The following ZPBP variants were observed in gnomAD, a reference collection of about 807,000 sequenced individuals.
ZPBP encodes the protein zona pellucida binding protein, also known as zona pellucida-binding protein 1.
A neutral mutation model predicts 44.8 loss-of-function variants in ZPBP; 26 were observed. The observed-to-expected ratio is 0.58, with a 90% CI of 0.43 to 0.81. The LOEUF (loss-of-function observed/expected upper bound fraction) is 0.81, where lower values mean the gene tolerates loss of function less well. ZPBP is among the 30% of genes least tolerant of loss of function. The pLI, the probability that ZPBP is intolerant of heterozygous loss-of-function variation, is 0.00. For synonymous variants in ZPBP, 174 were observed against 153.2 expected (o/e 1.14, Z -1.00); for missense variants, 409 against 434.0 (o/e 0.94, Z 0.51).
intron 7 of ZPBP, among the ~76,000 whole-genome samples, chr7:49,982,368 AATAC>A (rs1797063884): frequency 7.6e-6 from 1 of 132,380 alleles, no homozygotes; most frequent in East Asian, 2.0e-4. Flanking sequence ...TATAATATAT[AATAC>A]ATAATATATA....
chr7:50,012,696 T>C (rs1798641847), intron 6 of ZPBP, among the ~76,000 whole-genome samples: 1 of 149,152 alleles, frequency 6.7e-6, no homozygotes, highest in African/African-American at 2.5e-5. Flanking sequence ...GTTTGCATCA[T>C]ACTAGATGGT....
At chr7:49,885,771 T>G (rs977697051) in intron 2 of ZPBP, among the ~76,000 whole-genome samples, 1 of 152,172 alleles carries the variant, frequency 6.6e-6, no homozygotes. Flanking sequence ...GATTTATGAG[T>G]GCAGGTGCTT....
intron 7 of ZPBP, chr7:49,943,098 A>T: frequency 5.7e-6 from 2 of 353,194 alleles, no homozygotes; most frequent in South Asian, 2.6e-5. Context: ...GTCATTGAGG[A>T]CTATCCACCC....
intron 1 of ZPBP, chr7:49,920,883 A>AAT (rs2128747022): frequency 6.6e-6 from 1 of 152,318 alleles, no homozygotes; most frequent in African/African-American, 2.4e-5. Context: ...CTTCATTTCT[A>AAT]ATAGACTGTT....
At chr7:49,961,446 G>A (rs891915669) in intron 7 of ZPBP, among the ~76,000 whole-genome samples, 3 of 152,086 alleles carry the variant, frequency 2.0e-5, no homozygotes, top group Non-Finnish European at 2.9e-5. Context: ...CAAAGCCTAG[G>A]AGTAGGTGTT....
chr7:50,081,571 T>C (rs1208424311), intron 3 of ZPBP, among the ~76,000 whole-genome samples: 1 of 150,446 alleles, frequency 6.6e-6, no homozygotes, highest in Non-Finnish European at 1.5e-5. Context: ...AAACAGTTCA[T>C]TCTTAGAGTA....
At chr7:50,075,173 G>T (rs1022263484) in intron 3 of ZPBP, among the ~76,000 whole-genome samples, 9 of 151,816 alleles carry the variant, frequency 5.9e-5, no homozygotes, top group Non-Finnish European at 8.9e-5. Flanking sequence ...TGAATGACCA[G>T]TGGGTTGTTA....
At chr7:50,057,278 T>C (rs1321501359) in intron 4 of ZPBP, among the ~76,000 whole-genome samples, 1 of 151,362 alleles carries the variant, frequency 6.6e-6, no homozygotes, top group Admixed American at 6.6e-5. Context: ...ACTTGGGGGA[T>C]ATGCCTGCAG....
intron 3 of ZPBP, among the ~76,000 whole-genome samples, chr7:50,073,608 T>C (rs1165571010): frequency 6.6e-6 from 1 of 151,952 alleles, no homozygotes; most frequent in Non-Finnish European, 1.5e-5. Context: ...AGGCATTTAA[T>C]AATCAAACTC....
chr7:50,060,218 A>T (rs367856019), intron 3 of ZPBP, among the ~76,000 whole-genome samples: 1 of 152,132 alleles, frequency 6.6e-6, no homozygotes, highest in South Asian at 2.1e-4. Context: ...TGGCGGGGAC[A>T]AGACTCCACT....
chr7:49,871,069 AAT>A (rs1791129504), intron 2 of ZPBP, among the ~76,000 whole-genome samples: 4 of 152,234 alleles, frequency 2.6e-5, no homozygotes, highest in Admixed American at 2.6e-4. Context: ...CAACCCTAAG[AAT>A]GGAGAGCTAA....
At chr7:49,905,344 G>A (rs759348556) in intron 1 of ZPBP, among the ~76,000 whole-genome samples, 1 of 152,188 alleles carries the variant, frequency 6.6e-6, no homozygotes, top group Non-Finnish European at 1.5e-5. Flanking sequence ...TGCTACAGCA[G>A]TGCCACTGCT....
At chr7:49,981,298 T>TAATTATAATATATATTATATA (rs1491205780) in intron 7 of ZPBP, among the ~76,000 whole-genome samples, 19 of 61,160 alleles carry the variant, frequency 3.1e-4, no homozygotes, top group African/African-American at 9.7e-4. Context: ...TAATATATAT[T>TAATTATAATATATATTATATA]ATATATAATT....
At chr7:49,900,745 TA>T (rs1792679234) in intron 2 of ZPBP, among the ~76,000 whole-genome samples, 1 of 151,838 alleles carries the variant, frequency 6.6e-6, no homozygotes, top group South Asian at 2.1e-4. Context: ...GAAGAACTGA[TA>T]TCAATATTTT....
intron 6 of ZPBP, among the ~76,000 whole-genome samples, chr7:50,011,200 T>C (rs1211110662): frequency 6.6e-6 from 1 of 152,130 alleles, no homozygotes; most frequent in African/African-American, 2.4e-5. Context: ...TCTCACCTTA[T>C]ACAAAAATCA....
rs144485262 is a variant in ZPBP at position 49,899,447 on chromosome 7, C to A, written n.509+1671G>T. Among the ~76,000 whole-genome samples, 267 of 152,094 alleles carry A rather than the reference C, an allele frequency of 1.8e-3. 3 individuals are homozygous for A. Among genetic ancestry groups the A allele is most frequent in the African/African-American group, 6.0e-3 (250 of 41,508 alleles). On this transcript the variant is annotated intron_variant and non_coding_transcript_variant, in intron 2 of 2. Coordinates refer to the ZPBP transcript ENST00000465922. Reference sequence around the variant, plus strand: ...AAGCAAAACTGTGGATAAAAAGGGACTACTATATAGCTTCAAAGTAAATGG... The same window carrying A: ...AAGCAAAACTGTGGATAAAAAGGGAATACTATATAGCTTCAAAGTAAATGG...
chr7:49,947,060 T>C (rs1795130734), intron 7 of ZPBP, among the ~76,000 whole-genome samples: 3 of 152,146 alleles, frequency 2.0e-5, no homozygotes, highest in Non-Finnish European at 4.4e-5. Context: ...TATTTCAATT[T>C]CTTTGTTAAA....
intron 2 of ZPBP, among the ~76,000 whole-genome samples, chr7:49,877,481 A>AAAAAATACATATATATAT: frequency 7.9e-5 from 1 of 12,728 alleles, no homozygotes; most frequent in East Asian, 5.6e-3. Flanking sequence ...AAAAAAAAAA[A>AAAAAATACATATATATAT]ATATATATAT....
intron 7 of ZPBP, among the ~76,000 whole-genome samples, chr7:49,949,589 A>G (rs1384685220): frequency 1.3e-5 from 2 of 152,016 alleles, no homozygotes; most frequent in East Asian, 3.9e-4. Flanking sequence ...ACATTTATAG[A>G]GAAAAAATGT....
Sources: allele counts gnomAD v4.1 joint callset (sites outside exome capture counted in the v4.1 genomes callset), GRCh38; gene constraint gnomAD v4.1.1; transcripts MANE v1.5; gene names NCBI Gene and HGNC (gene_info 2026-07-23, HGNC 2026-07-21).